Variants in KCTD16 observed in about 807,000 individuals in gnomAD.
The protein encoded by KCTD16 is potassium channel tetramerization domain containing 16.
A neutral mutation model predicts 33.2 loss-of-function variants in KCTD16; 13 were observed. That is an observed-to-expected ratio of 0.39 (90% CI 0.25 to 0.62). The LOEUF (loss-of-function observed/expected upper bound fraction) is 0.62, where lower values mean the gene tolerates loss of function less well. Ranked by LOEUF, KCTD16 falls within the 20% of genes least tolerant of loss-of-function variation. The pLI is 0.50. For synonymous variants in KCTD16, 197 were observed against 195.3 expected, an observed-to-expected ratio of 1.01 and a Z score of -0.07; for missense variants, 441 against 525.1, an observed-to-expected ratio of 0.84 and a Z score of 1.57.
chr5:144,284,194 C>T (rs1315076508), intron 3 of KCTD16, among the ~76,000 whole-genome samples: 1 of 152,136 alleles, frequency 6.6e-6, no homozygotes, highest in African/African-American at 2.4e-5. Context: ...GGGCTATTTT[C>T]CCACTGGCCA....
At chr5:144,263,733 G>T (rs959978501) in intron 3 of KCTD16, among the ~76,000 whole-genome samples, 1 of 152,168 alleles carries the variant, frequency 6.6e-6, no homozygotes, top group African/African-American at 2.4e-5. Flanking sequence ...GTTTTAGTCA[G>T]CCCATGCTGC....
At chr5:144,406,576 C>T (rs995129089) in intron 3 of KCTD16, among the ~76,000 whole-genome samples, 3 of 152,090 alleles carry the variant, frequency 2.0e-5, no homozygotes, top group Non-Finnish European at 4.4e-5. Flanking sequence ...ATTCTGTGGT[C>T]GAGATGCACC....
rs2127008328 is a variant in KCTD16, at chr5:144,482,522, A to G, written c.*8408A>G. 6.6e-6 allele frequency: 1 copy of G among 151,920 alleles called. No individual in the cohort carries two copies. 9.4% of individuals were successfully genotyped at this position (151,920 alleles called of 1,614,324 possible). On this transcript the variant is annotated 3_prime_UTR_variant, in exon 4 of 4. Coordinates refer to ENST00000512467, the MANE Select transcript of KCTD16 (RefSeq NM_020768.4). ...GCATGAGTGTATCTAGGTATCTGCT[A>G]TTTTCATCTTTTGGCTTGTTAAACA...
At chr5:144,425,999 G>A (rs529264049) in intron 3 of KCTD16, among the ~76,000 whole-genome samples, 1 of 152,098 alleles carries the variant, frequency 6.6e-6, no homozygotes, top group African/African-American at 2.4e-5. Context: ...TTTACATGGC[G>A]AGATTAAAAA....
intron 3 of KCTD16, among the ~76,000 whole-genome samples, chr5:144,256,087 T>C (rs76785515): frequency 2.1e-4 from 32 of 152,264 alleles, no homozygotes; most frequent in African/African-American, 5.3e-4. Flanking sequence ...TTGGATAAAA[T>C]GAGATTATGA....
intron 3 of KCTD16, among the ~76,000 whole-genome samples, chr5:144,221,466 G>C (rs1335683205): frequency 6.6e-6 from 1 of 151,926 alleles, no homozygotes; most frequent in Non-Finnish European, 1.5e-5. Flanking sequence ...CTTTCTCTGT[G>C]TCCATGTGTT....
intron 3 of KCTD16, among the ~76,000 whole-genome samples, chr5:144,289,025 C>T (rs1755824553): frequency 6.6e-6 from 1 of 151,564 alleles, no homozygotes. Flanking sequence ...AAAACAAAAA[C>T]AAACAAACAA....
chr5:144,273,234 C>T lies in KCTD16; in HGVS notation c.832+65688C>T, dbSNP rs545484002. Among the ~76,000 whole-genome samples the T allele has an allele frequency of 8.5e-5, 13 of 152,168 alleles. No individual in the cohort carries two copies. The South Asian group carries it at 2.7e-3, about 32-fold the overall frequency. On this transcript the variant is annotated intron_variant, in intron 3 of 3. Transcript: ENST00000512467. Reference sequence around the variant, plus strand: ...TGAAAATATGCTCAACATTCCTAATCACTAGGGAAATACAAATGAAAACTA... The same window carrying T: ...TGAAAATATGCTCAACATTCCTAATTACTAGGGAAATACAAATGAAAACTA...
At position 144,465,186 on chromosome 5, in the gene KCTD16, C is replaced by CG. The variant is rs1461985488; in HGVS notation, c.833-8474_833-8473insG. Among the ~76,000 whole-genome samples, 15 of 105,938 alleles carry CG rather than the reference C, an allele frequency of 1.4e-4. 1 individual carries two copies. The highest frequency in any genetic ancestry group is 1.2e-3 in the Admixed American group (11 of 9,232). The allele number at this position is 105,938 out of a possible 152,430, so 69.5% of individuals were successfully genotyped here. ...TCACATACATAGTCTCTCTCTCCCC[C>CG]CCCTCTCTCTCTCACTCTCTCTCTC... On this transcript the variant is annotated intron_variant, in intron 3 of 3. Transcript: ENST00000512467.
At chr5:144,271,001 C>G (rs1262742866) in intron 3 of KCTD16, among the ~76,000 whole-genome samples, 3 of 151,870 alleles carry the variant, frequency 2.0e-5, no homozygotes, top group Non-Finnish European at 2.9e-5. Flanking sequence ...ATACATATAA[C>G]TAGTAAGGAG....
At chr5:144,403,774 C>T (rs905665081) in intron 3 of KCTD16, among the ~76,000 whole-genome samples, 2 of 152,196 alleles carry the variant, frequency 1.3e-5, no homozygotes. Context: ...CACACATAGG[C>T]AGTGCTCTTT....
intron 3 of KCTD16, among the ~76,000 whole-genome samples, chr5:144,349,001 T>C (rs1752879009): frequency 6.6e-6 from 1 of 152,052 alleles, no homozygotes; most frequent in Non-Finnish European, 1.5e-5. Context: ...GGCTTCTCAG[T>C]TTTTTGCTTT....
intron 3 of KCTD16, among the ~76,000 whole-genome samples, chr5:144,406,919 A>G (rs1028510862): frequency 1.3e-5 from 2 of 152,104 alleles, no homozygotes; most frequent in Non-Finnish European, 2.9e-5. Flanking sequence ...CAGGATTTGG[A>G]GATCAAAATT....
chr5:144,325,283 C>T (rs1472796983), intron 3 of KCTD16, among the ~76,000 whole-genome samples: 1 of 152,138 alleles, frequency 6.6e-6, no homozygotes, highest in Non-Finnish European at 1.5e-5. Flanking sequence ...ATCAAGATTT[C>T]TGATGGACTC....
rs1399397461 is a variant in KCTD16 at position 144,211,332 on chromosome 5, C to CT, written c.832+3794dup. Among the ~76,000 whole-genome samples, 4 of 151,792 alleles carry CT rather than the reference C, an allele frequency of 2.6e-5. No homozygotes were observed. The East Asian group carries it at 5.8e-4, about 22-fold the overall frequency. On this transcript the variant is annotated intron_variant, in intron 3 of 3. Coordinates refer to ENST00000512467, the MANE Select transcript of KCTD16 (RefSeq NM_020768.4). ...GCATCTACCCTAAGATTATTCTAGC[C>CT]TTTTTTTTCTCCTGGCTACTTGAAA... is the stretch of plus-strand genomic sequence containing the variant.
chr5:144,293,066 T>G (rs1040346398), intron 3 of KCTD16, among the ~76,000 whole-genome samples: 1 of 152,228 alleles, frequency 6.6e-6, no homozygotes, highest in Non-Finnish European at 1.5e-5. Flanking sequence ...TGGTAATTTA[T>G]CTTTACTGAA....
Position 144,482,440 on chromosome 5 carries a change from T to A in KCTD16, c.*8326T>A, listed in dbSNP as rs184474524. 2 of 152,010 alleles carry A rather than the reference T, an allele frequency of 1.3e-5. No individual in the cohort carries two copies. Among genetic ancestry groups the A allele is most frequent in the African/African-American group, 4.8e-5 (2 of 41,502 alleles). 9.4% of individuals were successfully genotyped at this position (152,010 alleles called of 1,614,324 possible). On this transcript the variant is annotated 3_prime_UTR_variant, in exon 4 of 4. Coordinates refer to ENST00000512467, the MANE Select transcript of KCTD16 (RefSeq NM_020768.4). The stretch of plus-strand genomic sequence containing the variant: ...GCTTGCTGTGCTGCACACAGGTCAC[T>A]AGGGCAAGCTTCAGGAGAAGTAAAA...
chr5:144,203,904 G>A (rs963832457), intron 2 of KCTD16, among the ~76,000 whole-genome samples: 1 of 152,144 alleles, frequency 6.6e-6, no homozygotes, highest in African/African-American at 2.4e-5. Context: ...GCCAGATACA[G>A]AGCTGCACTG....
intron 3 of KCTD16, among the ~76,000 whole-genome samples, chr5:144,243,565 G>A (rs1754461959): frequency 1.3e-5 from 2 of 151,828 alleles, no homozygotes; most frequent in Admixed American, 1.3e-4. Context: ...CTAAATCCCA[G>A]ACATTTATTT....
Sources: gnomAD v4.1 joint callset for allele counts (sites outside exome capture counted in the v4.1 genomes callset) on GRCh38, gnomAD v4.1.1 for gene constraint, MANE v1.5 for transcripts, NCBI Gene and HGNC (gene_info 2026-07-23, HGNC 2026-07-21) for gene names.